Variants in ARHGAP8 observed in about 807,000 individuals in gnomAD.
The protein encoded by ARHGAP8 is rho GTPase-activating protein 8.
A neutral mutation model predicts 46.1 loss-of-function variants in ARHGAP8; 62 were observed. The observed-to-expected ratio is 1.34, with a 90% CI of 1.10 to 1.66. ARHGAP8 has a LOEUF of 1.66. ARHGAP8 is among the 40% of genes most tolerant of loss of function. The probability of loss-of-function intolerance (pLI) is 0.00; values close to 1 mark genes in which losing one functional copy is unlikely to be tolerated. For synonymous variants in ARHGAP8, 375 were observed against 243.1 expected (o/e 1.54, Z -5.05); for missense variants, 923 against 568.4 (o/e 1.62, Z -6.34).
intron 10 of ARHGAP8, chr22:44,849,911 C>A (rs2070052685): frequency 6.6e-6 from 1 of 152,208 alleles, no homozygotes; most frequent in Admixed American, 6.5e-5. Flanking sequence ...CTTGCACTTT[C>A]CCAAGGGGCA....
At chr22:44,811,650 C>T (rs1929342274) in intron 4 of ARHGAP8, among the ~76,000 whole-genome samples, 1 of 152,138 alleles carries the variant, frequency 6.6e-6, no homozygotes, top group African/African-American at 2.4e-5. Flanking sequence ...TCAAACTACC[C>T]AAAAGTGTAA....
At chr22:44,800,352 C>T (rs994395825) in intron 2 of ARHGAP8, among the ~76,000 whole-genome samples, 17 of 151,982 alleles carry the variant, frequency 1.1e-4, no homozygotes, top group Non-Finnish European at 1.8e-4. Flanking sequence ...GTGATCTGCC[C>T]GCCTCGGCCT....
intron 1 of ARHGAP8, among the ~76,000 whole-genome samples, chr22:44,779,863 C>T (rs117497241): frequency 0.05 from 7,560 of 152,218 alleles, 386 homozygotes; most frequent in Admixed American, 0.15. Context: ...CCACCACGCT[C>T]GGCCTTTTTC....
At chr22:44,812,879 A>G (rs1929437597) in intron 4 of ARHGAP8, among the ~76,000 whole-genome samples, 1 of 152,046 alleles carries the variant, frequency 6.6e-6, no homozygotes, top group African/African-American at 2.4e-5. Flanking sequence ...GACATGTGTA[A>G]AATGTCCTAT....
intron 1 of ARHGAP8, among the ~76,000 whole-genome samples, chr22:44,775,751 A>G (rs190983617): frequency 9.2e-5 from 14 of 152,186 alleles, no homozygotes; most frequent in African/African-American, 2.2e-4. Context: ...CACCTGGCCC[A>G]TAACTCTTTA....
chr22:44,862,188 A>G (rs764153640), intron 11 of ARHGAP8, 87 bp from the exon 12 acceptor site: 74 of 1,489,026 alleles, frequency 5.0e-5, no homozygotes, highest in Middle Eastern at 4.0e-4. Flanking sequence ...CACTACACCT[A>G]CGCCTCTCCC....
At chr22:44,832,984 C>A (rs1474478871) in intron 7 of ARHGAP8, among the ~76,000 whole-genome samples, 17 of 151,902 alleles carry the variant, frequency 1.1e-4, no homozygotes, top group Admixed American at 1.1e-3. Flanking sequence ...CACACACACA[C>A]ACACACAAAA....
At chr22:44,861,167 T>G (rs1170594370) in intron 11 of ARHGAP8, among the ~76,000 whole-genome samples, 2 of 152,142 alleles carry the variant, frequency 1.3e-5, no homozygotes, top group African/African-American at 2.4e-5. Flanking sequence ...AGATGGGGTT[T>G]CGTCACATTG....
chr22:44,840,592 C>G (rs1931585784), intron 7 of ARHGAP8, among the ~76,000 whole-genome samples: 1 of 152,174 alleles, frequency 6.6e-6, no homozygotes, highest in Non-Finnish European at 1.5e-5. Context: ...CTCTATGAGT[C>G]TAAGATCAAG....
chr22:44,841,283 G>A (rs1185764151), intron 7 of ARHGAP8, among the ~76,000 whole-genome samples: 2 of 152,140 alleles, frequency 1.3e-5, no homozygotes, highest in African/African-American at 2.4e-5. Context: ...GTGATTTGCC[G>A]ATTGTACTGT....
intron 1 of ARHGAP8, among the ~76,000 whole-genome samples, chr22:44,763,693 G>A (rs745793678): frequency 5.9e-5 from 9 of 151,948 alleles, no homozygotes; most frequent in African/African-American, 1.7e-4. Context: ...AGGCAAATTC[G>A]GGGAGTTTTG....
chr22:44,862,386 C>G lies in ARHGAP8; in HGVS notation c.1093C>G (p.Pro365Ala). ...QGVSSLSALV[P>A]LNMFTELLIE... ...GGTCTCCTCCCTGAGTGCCCTTGTG[C>G]CCCTGAACATGTTCACTGAACTGCT... is the stretch of plus-strand genomic sequence containing the variant. The change falls in exon 12 of 12, where the codon CCC (proline) becomes GCC (alanine). Residue 365 changes from proline (P) to alanine (A), a missense_variant. Physicochemically the swap from Pro to Ala is conservative, Grantham distance 27. Coordinates refer to ENST00000356099, the MANE Select transcript of ARHGAP8 (RefSeq NM_181335.3). The G allele has an allele frequency of 6.2e-7, 1 of 1,614,138 alleles. No homozygotes were observed. Among genetic ancestry groups the G allele is most frequent in the Non-Finnish European group, 8.5e-7 (1 of 1,180,012 alleles).
chr22:44,861,129 G>T (rs757529794), intron 11 of ARHGAP8, among the ~76,000 whole-genome samples: 1 of 152,112 alleles, frequency 6.6e-6, no homozygotes. Flanking sequence ...GAACCACCAT[G>T]CCCGGCTAAT....
chr22:44,816,871 T>C (rs374173959), intron 5 of ARHGAP8, among the ~76,000 whole-genome samples: 1 of 146,656 alleles, frequency 6.8e-6, no homozygotes, highest in African/African-American at 2.6e-5. Flanking sequence ...CTTTCTTTTT[T>C]CTTTCTTTCT....
intron 7 of ARHGAP8, among the ~76,000 whole-genome samples, chr22:44,827,724 G>T (rs1472398636): frequency 6.6e-6 from 1 of 152,148 alleles, no homozygotes; most frequent in African/African-American, 2.4e-5. Flanking sequence ...TGAGTGGTGG[G>T]TAGTTGCGAG....
At chr22:44,832,998 T>C (rs1209679104) in intron 7 of ARHGAP8, among the ~76,000 whole-genome samples, 1 of 151,768 alleles carries the variant, frequency 6.6e-6, no homozygotes, top group African/African-American at 2.4e-5. Context: ...CACAAAAGAA[T>C]CAACAGTCCT....
At chr22:44,859,678 A>G (rs1322406634) in intron 10 of ARHGAP8, 53 bp from the exon 11 acceptor site, 1 of 1,594,090 alleles carries the variant, frequency 6.3e-7, no homozygotes, top group Non-Finnish European at 8.6e-7. Flanking sequence ...GCCGGGATGC[A>G]GCGCTGCCCC....
At chr22:44,849,479 C>T (rs5766099) in intron 10 of ARHGAP8, 143,725 of 220,898 alleles carry the variant, frequency 0.65, 48,360 homozygotes, top group African/African-American at 0.84. Context: ...GCATATATCA[C>T]AGGAACTGAG....
chr22:44,816,936 A>G (rs1302810390), intron 5 of ARHGAP8, among the ~76,000 whole-genome samples: 2 of 125,188 alleles, frequency 1.6e-5, no homozygotes, highest in African/African-American at 6.5e-5. Flanking sequence ...CCCAGGCTGG[A>G]GTGCAATGGC....
Sources: gnomAD v4.1 joint callset for allele counts (sites outside exome capture counted in the v4.1 genomes callset) on GRCh38, gnomAD v4.1.1 for gene constraint, MANE v1.5 for transcripts, NCBI Gene and HGNC (gene_info 2026-07-23, HGNC 2026-07-21) for gene names.